TOMM7: variants seen among roughly 807,000 people sequenced by gnomAD.
TOMM7 encodes mitochondrial import receptor subunit TOM7 homolog.
A neutral mutation model predicts 9.5 loss-of-function variants in TOMM7; 8 were observed. That is an observed-to-expected ratio of 0.84 (90% CI 0.49 to 1.51). The LOEUF (loss-of-function observed/expected upper bound fraction) is 1.51, where lower values mean the gene tolerates loss of function less well. Among genes scored for constraint, TOMM7 ranks in the 40% most tolerant of loss-of-function variants. The pLI, the probability that TOMM7 is intolerant of heterozygous loss-of-function variation, is 0.00. For synonymous variants in TOMM7, 27 were observed against 21.4 expected, an observed-to-expected ratio of 1.26 and a Z score of -0.72; for missense variants, 74 against 63.7, an observed-to-expected ratio of 1.16 and a Z score of -0.55.
chr7:22,821,178 G>GT (rs765299426), intron 1 of TOMM7, among the ~76,000 whole-genome samples: 27 of 152,084 alleles, frequency 1.8e-4, no homozygotes, highest in Non-Finnish European at 3.1e-4. Context: ...TTGGGAGGCC[G>GT]AGGCGGGCGG....
At chr7:22,818,547 C>T (rs776560663) in intron 1 of TOMM7, among the ~76,000 whole-genome samples, 7 of 152,190 alleles carry the variant, frequency 4.6e-5, no homozygotes, top group Non-Finnish European at 8.8e-5. Flanking sequence ...TTCCAAAGTG[C>T]TGGGATTACA....
At chr7:22,820,869 G>A (rs1048007044) in intron 1 of TOMM7, among the ~76,000 whole-genome samples, 1 of 152,152 alleles carries the variant, frequency 6.6e-6, no homozygotes, top group Non-Finnish European at 1.5e-5. Flanking sequence ...TATAATCCCA[G>A]GTTATCAGTT....
At chr7:22,820,051 T>A (rs1366549202) in intron 1 of TOMM7, among the ~76,000 whole-genome samples, 1 of 152,158 alleles carries the variant, frequency 6.6e-6, no homozygotes, top group Non-Finnish European at 1.5e-5. Flanking sequence ...AAGAACAACC[T>A]GGAGCCAGGT....
chr7:22,821,405 CAAAAAAA>C (rs76073004), intron 1 of TOMM7, among the ~76,000 whole-genome samples: 4 of 122,948 alleles, frequency 3.3e-5, no homozygotes, highest in African/African-American at 5.6e-5. Flanking sequence ...GACCCCGTCT[CAAAAAAA>C]AAAAAAAAAA....
intron 2 of TOMM7, among the ~76,000 whole-genome samples, chr7:22,813,531 G>A (rs572179260): frequency 1.1e-4 from 17 of 152,230 alleles, no homozygotes; most frequent in African/African-American, 3.6e-4. Flanking sequence ...TGCAGTATCA[G>A]TAATACTAAA....
intron 1 of TOMM7, among the ~76,000 whole-genome samples, chr7:22,819,307 C>T (rs1274989487): frequency 1.3e-5 from 2 of 151,178 alleles, no homozygotes; most frequent in East Asian, 3.9e-4. Context: ...GTGACTTAGA[C>T]CATTAAAATA....
chr7:22,818,196 C>T (rs149714184), intron 1 of TOMM7, 148 bp from the exon 2 acceptor site: 12 of 660,218 alleles, frequency 1.8e-5, no homozygotes, highest in South Asian at 9.4e-5. Context: ...AATTTACCTA[C>T]GCTACAGAAG....
chr7:22,820,668 A>G (rs997097101), intron 1 of TOMM7, among the ~76,000 whole-genome samples: 1 of 152,198 alleles, frequency 6.6e-6, no homozygotes, highest in Non-Finnish European at 1.5e-5. Context: ...GACCAGCCAG[A>G]GTAGGCCCTT....
At chr7:22,821,712 TAC>T (rs915341643) in intron 1 of TOMM7, among the ~76,000 whole-genome samples, 2 of 150,696 alleles carry the variant, frequency 1.3e-5, no homozygotes, top group African/African-American at 4.9e-5. Context: ...ATCGCGCCAC[TAC>T]ACTCCAGCCT....
rs994101823 is a variant in TOMM7, at chr7:22,819,338, C to A, written c.104-1290G>T. Among the ~76,000 whole-genome samples, 4 of 151,310 alleles carry A rather than the reference C, an allele frequency of 2.6e-5. No homozygotes were observed. The South Asian group carries it at 6.2e-4, about 24-fold the overall frequency. On this transcript the variant is annotated intron_variant, in intron 1 of 2. Transcript: ENST00000358435. ...AAATAAATAAAAGATAACAAACTGGCCTGCCAATTTCACAGATGTTGGTAT... is the reference window on the plus strand; with the variant it reads ...AAATAAATAAAAGATAACAAACTGGACTGCCAATTTCACAGATGTTGGTAT...
rs1562671358 is a variant in TOMM7, at chr7:22,813,009, A to G, written c.*161T>C. On this transcript the variant is annotated 3_prime_UTR_variant, in exon 3 of 3. Transcript: ENST00000358435. The stretch of plus-strand genomic sequence containing the variant: ...AACATTTATTCTGATACATTCTATC[A>G]TAAGTTAGTACAAGTTCCACTCTGC... 2.9e-6 allele frequency: 2 copies of G among 698,694 alleles called. No individual in the cohort carries two copies. The highest frequency in any genetic ancestry group is 5.2e-6 in the Non-Finnish European group (2 of 388,104). 43.3% of individuals were successfully genotyped at this position (698,694 alleles called of 1,614,324 possible).
intron 1 of TOMM7, among the ~76,000 whole-genome samples, chr7:22,821,298 T>G (rs532733794): frequency 1.3e-5 from 2 of 151,266 alleles, no homozygotes; most frequent in African/African-American, 4.9e-5. Context: ...TAGTCCCAGC[T>G]GTGCGGGAGG....
At chr7:22,819,771 G>T (rs912496853) in intron 1 of TOMM7, among the ~76,000 whole-genome samples, 1 of 152,176 alleles carries the variant, frequency 6.6e-6, no homozygotes, top group Non-Finnish European at 1.5e-5. Flanking sequence ...ATCCTCAAAA[G>T]ATAATATGGA....
At chr7:22,820,550 C>T (rs1284134439) in intron 1 of TOMM7, among the ~76,000 whole-genome samples, 1 of 152,058 alleles carries the variant, frequency 6.6e-6, no homozygotes, top group Non-Finnish European at 1.5e-5. Flanking sequence ...AGCAAGAGCA[C>T]GCTAAAATAG....
intron 1 of TOMM7, 28 bp from the exon 2 acceptor site, chr7:22,818,076 A>C: frequency 6.2e-7 from 1 of 1,604,728 alleles, no homozygotes; most frequent in Non-Finnish European, 8.5e-7. Context: ...GAAGAGAAAA[A>C]ATATTAATTA....
At position 22,817,956 on chromosome 7, in the gene TOMM7, T is replaced by C. The variant is rs370903960; in HGVS notation, c.152+44A>G. 2.9e-5 allele frequency: 45 copies of C among 1,569,348 alleles called. No individual in the cohort carries two copies. In the African/African-American group the frequency reaches 6.0e-4, roughly 21 times the overall value. ...TTACATCTTAGTGATTCAGTACTAC[T>C]GTATGAACATTTGTCCTGAAATGTT... On this transcript the variant is annotated intron_variant, in intron 2 of 2. Coordinates refer to ENST00000358435, the MANE Select transcript of TOMM7 (RefSeq NM_019059.5).
chr7:22,817,811 A>G (rs1246744249), intron 2 of TOMM7, 189 bp downstream of exon 2: 1 of 544,240 alleles, frequency 1.8e-6, no homozygotes, highest in African/African-American at 1.9e-5. Context: ...CATTGTAGTT[A>G]TAACATGGTA....
chr7:22,818,102 A>G, intron 1 of TOMM7, 54 bp from the exon 2 acceptor site: 1 of 1,533,750 alleles, frequency 6.5e-7, no homozygotes. Context: ...CCAGCAGACA[A>G]AACATTTACA....
chr7:22,817,785 C>T, intron 2 of TOMM7: 1 of 467,938 alleles, frequency 2.1e-6, no homozygotes, highest in Non-Finnish European at 3.9e-6. Flanking sequence ...AATTCTTTTT[C>T]TGTTAAAATA....
Sources: gnomAD v4.1 joint callset for allele counts (sites outside exome capture counted in the v4.1 genomes callset) on GRCh38, gnomAD v4.1.1 for gene constraint, MANE v1.5 for transcripts, NCBI Gene and HGNC (gene_info 2026-07-23, HGNC 2026-07-21) for gene names.